The following AGBL1 variants were observed in gnomAD, a reference collection of about 807,000 sequenced individuals.
AGBL1 encodes AGBL carboxypeptidase 1, also known as cytosolic carboxypeptidase 4.
A neutral mutation model predicts 118.9 loss-of-function variants in AGBL1; 130 were observed. That is an observed-to-expected ratio of 1.09 (90% CI 0.95 to 1.26). AGBL1 has a LOEUF of 1.26. AGBL1 is among the 50% of genes most tolerant of loss of function. The pLI, the probability that AGBL1 is intolerant of heterozygous loss-of-function variation, is 0.00. For synonymous variants in AGBL1, 555 were observed against 478.9 expected (o/e 1.16, Z -2.08); for missense variants, 1,584 against 1,298.1 (o/e 1.22, Z -3.38).
intron 6 of AGBL1, among the ~76,000 whole-genome samples, chr15:86,228,434 T>A (rs543633782): frequency 6.6e-6 from 1 of 152,234 alleles, no homozygotes; most frequent in Admixed American, 6.5e-5. Context: ...TGTAATTGCA[T>A]CCCAAAAAGG....
chr15:86,153,427 T>A (rs1640080842), intron 3 of AGBL1, among the ~76,000 whole-genome samples: 1 of 151,124 alleles, frequency 6.6e-6, no homozygotes, highest in South Asian at 2.1e-4. Flanking sequence ...AACCAAACAC[T>A]GCATGCTCTC....
In AGBL1 at chr15:86,448,357, G is replaced by T. The variant is rs189204256; in HGVS notation, c.2555+50811G>T. On this transcript the variant is annotated intron_variant, in intron 18 of 22. Transcript: ENST00000614907. ...CCTGTGACAAAAGGGAAGATAAGAC[G>T]TCGATTATCTCAGGTCAGACAGGCA... 9.3e-4 allele frequency among the ~76,000 whole-genome samples: 141 copies of T among 152,246 alleles called. 1 individual carries two copies. The highest frequency in any genetic ancestry group is 8.2e-3 in the Admixed American group (125 of 15,298).
chr15:86,373,085 A>T (rs1042802979), intron 17 of AGBL1, among the ~76,000 whole-genome samples: 4 of 152,206 alleles, frequency 2.6e-5, no homozygotes, highest in Admixed American at 6.5e-5. Flanking sequence ...CTAGTCCCAC[A>T]TCCCCTTCAA....
chr15:86,656,760 T>C (rs2142507075), intron 21 of AGBL1, among the ~76,000 whole-genome samples: 1 of 152,242 alleles, frequency 6.6e-6, no homozygotes, highest in South Asian at 2.1e-4. Context: ...TTCCATTGTT[T>C]ACCTTCCATG....
intron 23 of AGBL1, among the ~76,000 whole-genome samples, chr15:86,960,550 A>G (rs1372722184): frequency 6.6e-6 from 1 of 152,066 alleles, no homozygotes; most frequent in African/African-American, 2.4e-5. Flanking sequence ...AAATTAGTAC[A>G]GTATAGAGAT....
chr15:86,417,782 A>T (rs564443790), intron 18 of AGBL1, among the ~76,000 whole-genome samples: 10 of 152,236 alleles, frequency 6.6e-5, no homozygotes, highest in African/African-American at 2.4e-4. Flanking sequence ...GAGCCCAGGA[A>T]TATCTAAGTT....
chr15:86,580,528 C>T (rs560546857), intron 21 of AGBL1, among the ~76,000 whole-genome samples: 1 of 152,050 alleles, frequency 6.6e-6, no homozygotes, highest in South Asian at 2.1e-4. Flanking sequence ...GACTAGTACT[C>T]AGTCTGTACA....
chr15:86,927,488 G>C (rs922780836), intron 23 of AGBL1, among the ~76,000 whole-genome samples: 13 of 152,060 alleles, frequency 8.5e-5, no homozygotes, highest in African/African-American at 3.1e-4. Flanking sequence ...TTGAGAGGCT[G>C]AGGCAGGAGG....
intron 18 of AGBL1, among the ~76,000 whole-genome samples, chr15:86,459,654 A>G (rs1028566846): frequency 5.3e-5 from 8 of 152,108 alleles, no homozygotes. Context: ...CCTCCACACA[A>G]TACATGGTTA....
chr15:86,423,696 T>C (rs1016223270), intron 18 of AGBL1, among the ~76,000 whole-genome samples: 1 of 152,184 alleles, frequency 6.6e-6, no homozygotes, highest in African/African-American at 2.4e-5. Flanking sequence ...AGTCTCCGTA[T>C]ACAAAATCAA....
intron 23 of AGBL1, among the ~76,000 whole-genome samples, chr15:86,967,211 A>C (rs1204164334): frequency 1.3e-5 from 2 of 152,038 alleles, no homozygotes; most frequent in Non-Finnish European, 2.9e-5. Flanking sequence ...AGTTCATTGT[A>C]GATTCTGGAT....
intron 21 of AGBL1, among the ~76,000 whole-genome samples, chr15:86,659,775 T>G (rs760966078): frequency 3.0e-4 from 45 of 152,158 alleles, no homozygotes; most frequent in Non-Finnish European, 5.6e-4. Flanking sequence ...TTCTCATCAT[T>G]TGAACTGAAC....
chr15:86,287,903 C>G lies in AGBL1; in HGVS notation c.2221-7352C>G, dbSNP rs182413296. 7.2e-5 allele frequency among the ~76,000 whole-genome samples: 11 copies of G among 152,284 alleles called. No individual in the cohort carries two copies. In the East Asian group the frequency reaches 1.9e-3, roughly 27 times the overall value. On this transcript the variant is annotated intron_variant, in intron 16 of 22. Coordinates refer to ENST00000614907, the MANE Select transcript of AGBL1 (RefSeq NM_001386094.1). The stretch of plus-strand genomic sequence containing the variant: ...TGAAGCACTGGTGCTAGTTTTTCTT[C>G]TAACAGTTCACAATGCATATTGAAA...
At chr15:86,103,430 T>C (rs944892253) in intron 1 of AGBL1, among the ~76,000 whole-genome samples, 1 of 152,190 alleles carries the variant, frequency 6.6e-6, no homozygotes, top group African/African-American at 2.4e-5. Flanking sequence ...TCATGTTTCG[T>C]TTGTCCTTAT....
intron 19 of AGBL1, among the ~76,000 whole-genome samples, chr15:86,543,323 C>T (rs1490795860): frequency 1.3e-5 from 2 of 152,038 alleles, no homozygotes; most frequent in Non-Finnish European, 2.9e-5. Context: ...TTTTATAATA[C>T]GATTGTGATA....
intron 22 of AGBL1, among the ~76,000 whole-genome samples, chr15:86,811,678 C>T (rs1309873894): frequency 2.6e-5 from 4 of 152,136 alleles, no homozygotes. Flanking sequence ...CAGTCCCAAA[C>T]AGTTTGGAAC....
chr15:86,826,036 C>A (rs199861809), intron 22 of AGBL1, among the ~76,000 whole-genome samples: 1 of 148,960 alleles, frequency 6.7e-6, no homozygotes, highest in Non-Finnish European at 1.5e-5. Context: ...TAACTTCTTG[C>A]AAAAAAAAAA....
At chr15:86,413,038 T>C (rs1026351085) in intron 18 of AGBL1, among the ~76,000 whole-genome samples, 11 of 152,214 alleles carry the variant, frequency 7.2e-5, no homozygotes, top group African/African-American at 2.7e-4. Context: ...TTCAGTTTCT[T>C]TCTTTTTTTA....
At chr15:86,081,037 T>C (rs1811295251) in intron 1 of AGBL1, among the ~76,000 whole-genome samples, 1 of 152,148 alleles carries the variant, frequency 6.6e-6, no homozygotes, top group Non-Finnish European at 1.5e-5. Flanking sequence ...AATTTTCCTC[T>C]GATTGTTTTT....
Sources: gnomAD v4.1 joint callset for allele counts (sites outside exome capture counted in the v4.1 genomes callset) on GRCh38, gnomAD v4.1.1 for gene constraint, MANE v1.5 for transcripts, NCBI Gene and HGNC (gene_info 2026-07-23, HGNC 2026-07-21) for gene names.